Variants in SRFBP1 observed in about 807,000 individuals in gnomAD.
SRFBP1 encodes the protein serum response factor binding protein 1, also known as serum response factor-binding protein 1.
A neutral mutation model predicts 45.5 loss-of-function variants in SRFBP1; 47 were observed. That is an observed-to-expected ratio of 1.03 (90% CI 0.82 to 1.32). The LOEUF is 1.32. Ranked by LOEUF, SRFBP1 falls within the 40% of genes most tolerant of loss-of-function variation. SRFBP1 has a pLI of 0.00. For missense variants in SRFBP1, 621 were observed against 484.6 expected (o/e 1.28, Z -2.64); for synonymous variants, 203 against 166.3 (o/e 1.22, Z -1.70).
In SRFBP1 at chr5:122,016,346, A is replaced by G. The variant is rs1242052448; in HGVS notation, c.271-2914A>G. On this transcript the variant is annotated intron_variant, in intron 4 of 7. Coordinates refer to ENST00000339397, the MANE Select transcript of SRFBP1 (RefSeq NM_152546.3). The stretch of plus-strand genomic sequence containing the variant: ...TACAAGGATGTAAATTTTTTTGAAT[A>G]AACTGCATGTGTGGAAGTATTTTTC... Among the ~76,000 whole-genome samples, 2 of 152,210 alleles carry G rather than the reference A, an allele frequency of 1.3e-5. 1 individual carries two copies. The highest frequency in any genetic ancestry group is 1.3e-4 in the Admixed American group (2 of 15,288).
downstream of SRFBP1, chr5:122,076,807 G>C: frequency 8.6e-7 from 1 of 1,167,234 alleles, no homozygotes; most frequent in South Asian, 1.3e-5. Flanking sequence ...ACTTGTCTGC[G>C]CGAAGCAGTA....
chr5:121,973,740 T>C (rs1322370252), intron 1 of SRFBP1, among the ~76,000 whole-genome samples: 1 of 151,848 alleles, frequency 6.6e-6, no homozygotes, highest in African/African-American at 2.4e-5. Flanking sequence ...ATTTGTTTTA[T>C]AAATATGTAA....
At chr5:122,010,944 T>C (rs1753080257) in intron 4 of SRFBP1, among the ~76,000 whole-genome samples, 1 of 152,160 alleles carries the variant, frequency 6.6e-6, no homozygotes, top group Non-Finnish European at 1.5e-5. Flanking sequence ...TGAGACTTTT[T>C]TCATCACTAC....
At chr5:122,059,012 G>T (rs1163270362) in intron 2 of SRFBP1, among the ~76,000 whole-genome samples, 1 of 152,172 alleles carries the variant, frequency 6.6e-6, no homozygotes, top group Non-Finnish European at 1.5e-5. Flanking sequence ...CTGGCTTCAT[G>T]TTGTCAGGTC....
chr5:122,034,409 G>T, intron 2 of SRFBP1, among the ~76,000 whole-genome samples: 1 of 151,538 alleles, frequency 6.6e-6, no homozygotes, highest in East Asian at 2.0e-4. Flanking sequence ...TGTTTCTGTT[G>T]TCCTTTTGCT....
At chr5:121,981,805 A>G (rs1752413779) in intron 3 of SRFBP1, among the ~76,000 whole-genome samples, 2 of 152,102 alleles carry the variant, frequency 1.3e-5, no homozygotes, top group East Asian at 1.9e-4. Flanking sequence ...TTCCGCTATC[A>G]TATGGTATAG....
chr5:122,035,225 C>T (rs1400526227), intron 2 of SRFBP1, among the ~76,000 whole-genome samples: 1 of 152,102 alleles, frequency 6.6e-6, no homozygotes, highest in African/African-American at 2.4e-5. Context: ...TTTCCTACAG[C>T]AGCAGCCCCT....
At chr5:121,970,102 G>A (rs1402108285) in intron 1 of SRFBP1, among the ~76,000 whole-genome samples, 2 of 151,978 alleles carry the variant, frequency 1.3e-5, no homozygotes, top group Non-Finnish European at 2.9e-5. Flanking sequence ...CAATTCCTGG[G>A]TGACAAATAA....
chr5:121,983,525 A>G (rs1268249028), intron 3 of SRFBP1, among the ~76,000 whole-genome samples: 2 of 151,832 alleles, frequency 1.3e-5, no homozygotes, highest in African/African-American at 2.4e-5. Flanking sequence ...ATAGGACTGT[A>G]TGGTAAAACT....
downstream of SRFBP1, chr5:122,077,591 G>A (rs141394149): frequency 5.9e-4 from 946 of 1,612,544 alleles, 6 homozygotes; most frequent in Non-Finnish European, 1.1e-4. The surrounding 1 kb of genome is among the most constrained non-coding windows in gnomAD (Gnocchi z 4.9). Context: ...GCGGGCTCTA[G>A]ATGTCGAGTA....
chr5:122,077,323 C>T, downstream of SRFBP1: 1 of 1,612,992 alleles, frequency 6.2e-7, no homozygotes, highest in South Asian at 1.1e-5. This position sits in a 1 kb window ranked among gnomAD's most constrained non-coding sequence, Gnocchi z 4.9. Context: ...ACCAGGTGCA[C>T]GGGTGCTTCC....
At chr5:122,018,109 T>C (rs1753224450) in intron 4 of SRFBP1, among the ~76,000 whole-genome samples, 1 of 152,234 alleles carries the variant, frequency 6.6e-6, no homozygotes, top group Non-Finnish European at 1.5e-5. Context: ...GCCGTGTATA[T>C]ATTTGGGAGT....
chr5:122,076,362 A>G (rs560740826), downstream of SRFBP1, among the ~76,000 whole-genome samples: 31 of 152,130 alleles, frequency 2.0e-4, no homozygotes, highest in Admixed American at 4.6e-4. Context: ...TTACTATTTT[A>G]TTTTAGAATA....
intron 2 of SRFBP1, among the ~76,000 whole-genome samples, chr5:122,038,267 G>A (rs1009874290): frequency 6.6e-5 from 10 of 152,122 alleles, no homozygotes; most frequent in Admixed American, 2.0e-4. Context: ...GGTGGGGGAC[G>A]GGGAAGGAGC....
chr5:121,990,558 C>T (rs528625299), intron 3 of SRFBP1, among the ~76,000 whole-genome samples: 1 of 152,142 alleles, frequency 6.6e-6, no homozygotes, highest in East Asian at 1.9e-4. Context: ...GTACATGTAC[C>T]CTTGTATCTA....
intron 2 of SRFBP1, chr5:122,070,758 A>T (rs747098536): frequency 1.1e-5 from 5 of 473,344 alleles, no homozygotes; most frequent in Non-Finnish European, 1.9e-5. Flanking sequence ...TCAGCCTTAT[A>T]GCACCTCCAG....
At chr5:121,985,203 G>A (rs1225508286) in intron 3 of SRFBP1, among the ~76,000 whole-genome samples, 1 of 151,766 alleles carries the variant, frequency 6.6e-6, no homozygotes, top group African/African-American at 2.4e-5. Context: ...GGGACACTTA[G>A]CACTGCTTGA....
rs1184284876 is a variant in SRFBP1 at position 121,998,318 on chromosome 5, T to C, written c.270+3648T>C. 1.0e-3 allele frequency among the ~76,000 whole-genome samples: 150 copies of C among 150,166 alleles called. 2 individuals carry two copies. The highest frequency in any genetic ancestry group is 3.7e-3 in the African/African-American group (149 of 40,788). On this transcript the variant is annotated intron_variant, in intron 4 of 7. Coordinates refer to ENST00000339397, the MANE Select transcript of SRFBP1 (RefSeq NM_152546.3). ...AAGAAAATGTGGCACATATACACCA[T>C]GGAATACTATGCAGCCATAAAAAAT...
At chr5:121,989,661 C>G (rs1365390067) in intron 3 of SRFBP1, among the ~76,000 whole-genome samples, 3 of 152,176 alleles carry the variant, frequency 2.0e-5, no homozygotes, top group African/African-American at 7.2e-5. Flanking sequence ...TGGCATGAAA[C>G]CTTTCCTCAG....
Sources: allele counts gnomAD v4.1 joint callset (sites outside exome capture counted in the v4.1 genomes callset), GRCh38; gene constraint gnomAD v4.1.1; non-coding constraint Gnocchi (gnomAD v3.1); transcripts MANE v1.5; gene names NCBI Gene and HGNC (gene_info 2026-07-23, HGNC 2026-07-21).